Variants in SGSM1 observed in about 807,000 individuals in gnomAD.
SGSM1 encodes small G protein signaling modulator 1.
In SGSM1, 73 loss-of-function variants were observed where a neutral mutation model predicts 133.8. That is an observed-to-expected ratio of 0.55 (90% confidence interval 0.45 to 0.66). The LOEUF is 0.66. SGSM1 is among the 30% of genes least tolerant of loss of function. SGSM1 has a pLI of 0.00. For missense variants in SGSM1, 1,213 were observed against 1,448.1 expected (o/e 0.84, Z 2.64); for synonymous variants, 563 against 573.0 (o/e 0.98, Z 0.25).
At chr22:24,887,601 A>G (rs1932690483) in intron 16 of SGSM1, among the ~76,000 whole-genome samples, 1 of 152,172 alleles carries the variant, frequency 6.6e-6, no homozygotes. Context: ...TAAATGAGTA[A>G]GAATGTAATT....
At position 24,901,817 on chromosome 22, in the gene SGSM1, C is replaced by T. The variant is rs778811223; in HGVS notation, c.2611-16C>T. 3 of 1,611,498 alleles carry T rather than the reference C, an allele frequency of 1.9e-6. No individual in the cohort carries two copies. The highest frequency in any genetic ancestry group is 2.2e-5 in the South Asian group (2 of 90,264). On this transcript the variant is annotated splice_polypyrimidine_tract_variant and intron_variant, in intron 19 of 24. Coordinates refer to ENST00000400358, the MANE Select transcript of SGSM1 (RefSeq NM_001098497.3). ...TTTCATTTCTTCCCCCTACCCCCTG[C>T]CCCGATGGCCTATAGCCAGAGCTGC...
rs372265950 is a variant in SGSM1 at position 24,822,929 on chromosome 22, G to A, written c.63+16445G>A. On this transcript the variant is annotated intron_variant, in intron 2 of 24. Coordinates refer to ENST00000400358, the MANE Select transcript of SGSM1 (RefSeq NM_001098497.3). ...ATAACAATGACACCTACAATGCATG[G>A]TAGTTGTGAGTCTTTGGGCTCAAGT... is the stretch of plus-strand genomic sequence containing the variant. 1.1e-3 allele frequency among the ~76,000 whole-genome samples: 168 copies of A among 152,332 alleles called. 5 individuals are homozygous for A. The South Asian group carries it at 0.028, about 25-fold the overall frequency.
intron 22 of SGSM1, among the ~76,000 whole-genome samples, chr22:24,915,540 ATT>A (rs58486768): frequency 6.6e-6 from 1 of 151,994 alleles, no homozygotes; most frequent in African/African-American, 2.4e-5. Flanking sequence ...GTGATTTATA[ATT>A]TTTTTTATTT....
intron 24 of SGSM1, among the ~76,000 whole-genome samples, chr22:24,921,537 A>G (rs1360398987): frequency 6.6e-6 from 1 of 152,184 alleles, no homozygotes; most frequent in Non-Finnish European, 1.5e-5. Flanking sequence ...CTGTTAGCAT[A>G]AAGATTCCCA....
At chr22:24,825,181 T>C (rs982483682) in intron 2 of SGSM1, among the ~76,000 whole-genome samples, 5 of 152,144 alleles carry the variant, frequency 3.3e-5, no homozygotes, top group African/African-American at 1.2e-4. Flanking sequence ...GAAGGCACCA[T>C]GTGAGCAATG....
intron 20 of SGSM1, among the ~76,000 whole-genome samples, chr22:24,904,497 G>A (rs558993182): frequency 2.8e-4 from 42 of 150,058 alleles, no homozygotes; most frequent in Non-Finnish European, 3.8e-4. Context: ...GGAGAATGTC[G>A]TGAACCCAGG....
At chr22:24,873,579 A>G (rs940870271) in intron 12 of SGSM1, among the ~76,000 whole-genome samples, 2 of 152,138 alleles carry the variant, frequency 1.3e-5, no homozygotes, top group African/African-American at 2.4e-5. Flanking sequence ...GGCCAGGCAC[A>G]GTGGCTCATG....
chr22:24,826,416 GT>G (rs1397958654), intron 2 of SGSM1, among the ~76,000 whole-genome samples: 1 of 152,176 alleles, frequency 6.6e-6, no homozygotes, highest in African/African-American at 2.4e-5. Flanking sequence ...CTTTAAATAC[GT>G]ATCAATGGGA....
At chr22:24,834,980 C>G (rs949233716) in intron 2 of SGSM1, among the ~76,000 whole-genome samples, 1 of 152,090 alleles carries the variant, frequency 6.6e-6, no homozygotes, top group Non-Finnish European at 1.5e-5. Flanking sequence ...GAGAGCTTTG[C>G]AAACTGCGAC....
chr22:24,901,692 C>A, intron 19 of SGSM1, 141 bp from the exon 20 acceptor site: 1 of 886,296 alleles, frequency 1.1e-6, no homozygotes, highest in Non-Finnish European at 1.6e-6. Flanking sequence ...AATCAAACAC[C>A]TGGCTGGTCC....
chr22:24,916,051 T>C (rs139774), intron 22 of SGSM1, among the ~76,000 whole-genome samples: 1 of 151,208 alleles, frequency 6.6e-6, no homozygotes, highest in Non-Finnish European at 1.5e-5. Flanking sequence ...TGTTTTTTTT[T>C]ATAAGAGTTT....
intron 9 of SGSM1, 104 bp from the exon 10 acceptor site, chr22:24,866,989 G>A: frequency 1.9e-6 from 2 of 1,045,274 alleles, no homozygotes; most frequent in Non-Finnish European, 2.9e-6. Flanking sequence ...GGACCTAATG[G>A]GAAGGGTGGA....
chr22:24,919,382 T>C (rs1227982030), intron 23 of SGSM1, among the ~76,000 whole-genome samples: 1 of 152,062 alleles, frequency 6.6e-6, no homozygotes, highest in East Asian at 1.9e-4. Flanking sequence ...CTCTATTCTT[T>C]CTCTTCACTA....
At position 24,917,832 on chromosome 22, in the gene SGSM1, A is replaced by T. The variant is rs979820725; in HGVS notation, c.3025+78A>T. ...CAGGGGAAAAGATCCCGTGGAGGTG[A>T]GGTTGAGGGGTTGGCAACAGAGGCA... On this transcript the variant is annotated intron_variant, in intron 23 of 24. Transcript: ENST00000400358. The T allele has an allele frequency of 4.0e-6, 5 of 1,250,744 alleles. No individual in the cohort carries two copies. The African/African-American group carries it at 5.9e-5, about 15-fold the overall frequency. 77.5% of individuals were successfully genotyped at this position (1,250,744 alleles called of 1,614,324 possible).
intron 23 of SGSM1, 40 bp downstream of exon 23, chr22:24,917,794 G>A: frequency 6.4e-7 from 1 of 1,553,080 alleles, no homozygotes; most frequent in Non-Finnish European, 8.8e-7. Flanking sequence ...CAGACTCTTT[G>A]TAGCAGAACT....
chr22:24,920,744 A>G (rs543830736), intron 24 of SGSM1, among the ~76,000 whole-genome samples: 2 of 152,352 alleles, frequency 1.3e-5, no homozygotes, highest in African/African-American at 4.8e-5. Flanking sequence ...TAATTTAAGT[A>G]AACTTTTTGG....
In SGSM1 at chr22:24,850,336, A is replaced by G. The variant is rs200582773; in HGVS notation, c.359A>G (p.Asn120Ser). 3.1e-5 allele frequency: 50 copies of G among 1,613,796 alleles called. No homozygotes were observed. The highest frequency in any genetic ancestry group is 1.6e-4 in the East Asian group (7 of 44,870). Residue 120 changes from asparagine (N) to serine (S), a missense_variant, in exon 5 of 25, where the codon AAC becomes AGC. Asn to Ser is a conservative substitution (Grantham distance 46). Coordinates refer to ENST00000400358, the MANE Select transcript of SGSM1 (RefSeq NM_001098497.3). Reference sequence around the variant, plus strand: ...GTGCGGAAGCTGCCGAAGCTGCCCAACTTGTCCCCACTTGCCATCAAGCAT... The same window carrying G: ...GTGCGGAAGCTGCCGAAGCTGCCCAGCTTGTCCCCACTTGCCATCAAGCAT... ...ENVRKLPKLP[N>S]LSPLAIKHLW...
chr22:24,904,673 C>A lies in SGSM1; in HGVS notation c.2736-432C>A, dbSNP rs9612805. Among the ~76,000 whole-genome samples, 1,263 of 152,110 alleles carry A rather than the reference C, an allele frequency of 8.3e-3. 10 individuals carry two copies. The highest frequency in any genetic ancestry group is 0.014 in the Middle Eastern group (4 of 292). Reference sequence around the variant, plus strand: ...ATTAGTAAGGGACAGATTGCAATTCCTGACAAAGGGAGCTGTAAGGCAAAG... The same window carrying A: ...ATTAGTAAGGGACAGATTGCAATTCATGACAAAGGGAGCTGTAAGGCAAAG... On this transcript the variant is annotated intron_variant, in intron 20 of 24. Transcript: ENST00000400358.
At position 24,886,725 on chromosome 22, in the gene SGSM1, A is replaced by G; in HGVS notation, c.1767A>G (p.Lys589=). 1.9e-6 allele frequency: 3 copies of G among 1,585,306 alleles called. No individual in the cohort carries two copies. The highest frequency in any genetic ancestry group is 2.6e-6 in the Non-Finnish European group (3 of 1,166,054). Residue 589 remains lysine (K), a synonymous_variant, in exon 16 of 25, where the codon AAA becomes AAG. Transcript: ENST00000400358. ...YQFGMTETER[K]EVDEQIHACY... ...TCGGGATGACGGAAACAGAAAGGAA[A>G]GAGGTCGGTTACCTGCCATGGGCAC...
Sources: allele counts gnomAD v4.1 joint callset (sites outside exome capture counted in the v4.1 genomes callset), GRCh38; gene constraint gnomAD v4.1.1; transcripts MANE v1.5; gene names NCBI Gene and HGNC (gene_info 2026-07-23, HGNC 2026-07-21).